Variants in SEMA6D observed in about 807,000 individuals in gnomAD.
SEMA6D encodes the protein semaphorin-6D.
A neutral mutation model predicts 106.6 loss-of-function variants in SEMA6D; 35 were observed. The observed-to-expected ratio is 0.33, with a 90% CI of 0.25 to 0.44. The LOEUF (loss-of-function observed/expected upper bound fraction) is 0.44. SEMA6D is among the 20% of genes least tolerant of loss of function. The probability of loss-of-function intolerance (pLI) is 1.00; values close to 1 mark genes in which losing one functional copy is unlikely to be tolerated. For missense variants in SEMA6D, 1,185 were observed against 1,345.9 expected, an observed-to-expected ratio of 0.88 and a Z score of 1.87; for synonymous variants, 499 against 487.7, an observed-to-expected ratio of 1.02 and a Z score of -0.31.
chr15:47,195,309 C>G (rs1049610402), intron 1 of SEMA6D, among the ~76,000 whole-genome samples: 1 of 152,092 alleles, frequency 6.6e-6, no homozygotes, highest in African/African-American at 2.4e-5. Context: ...TCTCACCTGT[C>G]TTACTTGGGC....
At chr15:47,608,182 A>G (rs2164370) in intron 4 of SEMA6D, among the ~76,000 whole-genome samples, 36,478 of 152,040 alleles carry the variant, frequency 0.24, 5,198 homozygotes, top group East Asian at 0.46. Context: ...TTAAAGGAAC[A>G]TGATGGTAAT....
At chr15:47,370,266 G>T (rs1046186748) in intron 1 of SEMA6D, among the ~76,000 whole-genome samples, 2 of 152,166 alleles carry the variant, frequency 1.3e-5, no homozygotes, top group African/African-American at 4.8e-5. Context: ...TGTAATTTCA[G>T]CACTTTCAGA....
intron 1 of SEMA6D, among the ~76,000 whole-genome samples, chr15:47,729,573 G>A (rs1163208909): frequency 1.3e-5 from 2 of 152,166 alleles, no homozygotes; most frequent in Non-Finnish European, 2.9e-5. Context: ...CAGATTGGAT[G>A]GGGTTTGTCA....
chr15:47,539,716 TACAAAC>T (rs1221899868), intron 3 of SEMA6D, among the ~76,000 whole-genome samples: 1 of 152,138 alleles, frequency 6.6e-6, no homozygotes, highest in Non-Finnish European at 1.5e-5. Flanking sequence ...GAAATAAATA[TACAAAC>T]AGGAGCAAAG....
chr15:47,366,807 ATAGAGT>A (rs1486972024), intron 1 of SEMA6D, among the ~76,000 whole-genome samples: 9 of 152,230 alleles, frequency 5.9e-5, no homozygotes, highest in Non-Finnish European at 1.2e-4. Context: ...GTAAGGAAAG[ATAGAGT>A]TAGAAAGGTA....
intron 4 of SEMA6D, among the ~76,000 whole-genome samples, chr15:47,626,825 A>AT (rs1250978355): frequency 1.3e-5 from 2 of 152,144 alleles, no homozygotes; most frequent in African/African-American, 4.8e-5. Context: ...AGAAAAAAAA[A>AT]TTCAATGCTT....
intron 1 of SEMA6D, among the ~76,000 whole-genome samples, chr15:47,291,993 CAT>C (rs2035610479): frequency 6.6e-6 from 1 of 152,218 alleles, no homozygotes; most frequent in African/African-American, 2.4e-5. Flanking sequence ...TGTATATGCA[CAT>C]ATGCAGAATT....
At chr15:47,263,857 A>G (rs2034191282) in intron 1 of SEMA6D, among the ~76,000 whole-genome samples, 1 of 151,820 alleles carries the variant, frequency 6.6e-6, no homozygotes, top group Admixed American at 6.6e-5. Context: ...ATATACCCAA[A>G]GGAATATAAA....
intron 3 of SEMA6D, among the ~76,000 whole-genome samples, chr15:47,487,119 C>T (rs1255275339): frequency 1.3e-5 from 2 of 152,060 alleles, no homozygotes; most frequent in East Asian, 1.9e-4. Flanking sequence ...ACATTCTTTT[C>T]GTAAAGACAA....
At chr15:47,478,881 T>C (rs2043071766) in intron 3 of SEMA6D, among the ~76,000 whole-genome samples, 1 of 152,066 alleles carries the variant, frequency 6.6e-6, no homozygotes, top group Admixed American at 6.6e-5. Flanking sequence ...CAAAGGCACA[T>C]CTTACATGGA....
intron 1 of SEMA6D, among the ~76,000 whole-genome samples, chr15:47,188,041 C>T (rs1441082824): frequency 6.6e-6 from 1 of 152,130 alleles, no homozygotes; most frequent in Non-Finnish European, 1.5e-5. Flanking sequence ...TGCTTTGCTA[C>T]ATTTGAATGG....
rs893871842 is a variant in SEMA6D at position 47,734,306 on chromosome 15, C to T, written c.-55+16614C>T. The stretch of plus-strand genomic sequence containing the variant: ...TTCACAGAGCTTTTCTTCCCCTTTG[C>T]CTTCAAAGCATCAAAGTCCAGTAAA... On this transcript the variant is annotated intron_variant, in intron 1 of 18. Transcript: ENST00000536845. 2.0e-5 allele frequency among the ~76,000 whole-genome samples: 3 copies of T among 152,264 alleles called. No homozygotes were observed. In the East Asian group the frequency reaches 5.8e-4, roughly 29 times the overall value.
At chr15:47,770,302 C>T (rs1168522381) in intron 18 of SEMA6D, among the ~76,000 whole-genome samples, 195 bp from the exon 19 acceptor site, 1 of 152,084 alleles carries the variant, frequency 6.6e-6, no homozygotes, top group East Asian at 1.9e-4. Flanking sequence ...CTGGCATTTG[C>T]AGCAATCCTG....
intron 1 of SEMA6D, among the ~76,000 whole-genome samples, chr15:47,277,019 CTG>C (rs1447512992): frequency 6.6e-6 from 1 of 152,086 alleles, no homozygotes; most frequent in Non-Finnish European, 1.5e-5. Context: ...GAGGAAATAA[CTG>C]TAGATGTGGT....
At chr15:47,520,304 A>T (rs752430331) in intron 3 of SEMA6D, among the ~76,000 whole-genome samples, 3 of 152,374 alleles carry the variant, frequency 2.0e-5, no homozygotes, top group Admixed American at 6.5e-5. Context: ...CTATGGGGAA[A>T]TTGAGATCCA....
At chr15:47,709,265 C>G (rs2078970893) in intron 4 of SEMA6D, among the ~76,000 whole-genome samples, 1 of 152,096 alleles carries the variant, frequency 6.6e-6, no homozygotes, top group Non-Finnish European at 1.5e-5. Flanking sequence ...GCAATTACCT[C>G]CCCCATCTGG....
chr15:47,699,850 G>A (rs1289121889), intron 4 of SEMA6D, among the ~76,000 whole-genome samples: 2 of 152,216 alleles, frequency 1.3e-5, no homozygotes, highest in African/African-American at 4.8e-5. Context: ...CGCCTTTGCA[G>A]ATGACATGAT....
chr15:47,239,735 T>C (rs1024889719), intron 1 of SEMA6D, among the ~76,000 whole-genome samples: 6 of 152,182 alleles, frequency 3.9e-5, no homozygotes, highest in Non-Finnish European at 5.9e-5. Flanking sequence ...TCACGTATGG[T>C]AGATGGGTAT....
At chr15:47,380,414 T>G (rs1369414030) in intron 1 of SEMA6D, 1 of 152,222 alleles carries the variant, frequency 6.6e-6, no homozygotes, top group Admixed American at 6.5e-5. Context: ...AATCTTCTAC[T>G]CTGGCTTTTA....
Sources: gnomAD v4.1 joint callset for allele counts (sites outside exome capture counted in the v4.1 genomes callset) on GRCh38, gnomAD v4.1.1 for gene constraint, MANE v1.5 for transcripts, NCBI Gene and HGNC (gene_info 2026-07-23, HGNC 2026-07-21) for gene names.